Variants in RBFOX1 observed in about 807,000 individuals in gnomAD.
RBFOX1 encodes RNA binding protein fox-1 homolog 1.
A neutral mutation model predicts 57.7 loss-of-function variants in RBFOX1; 8 were observed. The observed-to-expected ratio is 0.14, with a 90% CI of 0.08 to 0.25. RBFOX1 has a LOEUF of 0.25. Among genes scored for constraint, RBFOX1 ranks in the 10% least tolerant of loss-of-function variants. RBFOX1 has a pLI of 1.00. For synonymous variants in RBFOX1, 326 were observed against 222.4 expected, an observed-to-expected ratio of 1.47 and a Z score of -4.15; for missense variants, 611 against 548.5, an observed-to-expected ratio of 1.11 and a Z score of -1.14.
At chr16:6,901,475 C>T (rs923375006) in intron 3 of RBFOX1, among the ~76,000 whole-genome samples, 1 of 152,168 alleles carries the variant, frequency 6.6e-6, no homozygotes, top group African/African-American at 2.4e-5. Context: ...CCCTACGACT[C>T]TTCCTTAGCC....
chr16:7,025,657 C>G (rs1049861267), intron 3 of RBFOX1, among the ~76,000 whole-genome samples: 11 of 152,136 alleles, frequency 7.2e-5, no homozygotes, highest in Admixed American at 2.6e-4. Flanking sequence ...GGGGGCACCT[C>G]TTCATCAGGG....
chr16:5,604,446 A>G (rs2047488831), downstream of RBFOX1, among the ~76,000 whole-genome samples: 1 of 152,184 alleles, frequency 6.6e-6, no homozygotes. Context: ...GCAGGCCCTC[A>G]GACCCTAGAG....
At chr16:7,246,345 G>A (rs886896482) in intron 4 of RBFOX1, among the ~76,000 whole-genome samples, 1 of 152,090 alleles carries the variant, frequency 6.6e-6, no homozygotes, top group Non-Finnish European at 1.5e-5. Flanking sequence ...TTGCTCCCTG[G>A]CATCCCCCAC....
intron 1 of RBFOX1, among the ~76,000 whole-genome samples, chr16:5,444,094 G>GACATTAATA (rs369069952): frequency 6.6e-6 from 1 of 151,726 alleles, no homozygotes; most frequent in Admixed American, 6.6e-5. Context: ...TATTGGCAAA[G>GACATTAATA]GTGACACTGA....
chr16:7,165,214 C>T (rs1053294689), intron 4 of RBFOX1, among the ~76,000 whole-genome samples: 1 of 151,864 alleles, frequency 6.6e-6, no homozygotes, highest in Non-Finnish European at 1.5e-5. Context: ...CTATCTCTGC[C>T]ACAGGTGTGA....
chr16:5,946,980 A>G lies in RBFOX1; in HGVS notation c.351+79645A>G, dbSNP rs2059412467. On this transcript the variant is annotated intron_variant, in intron 4 of 19. Transcript: ENST00000641259. This position sits in a 1 kb window ranked among gnomAD's most constrained non-coding sequence, Gnocchi z 4.6. ...TAATCCTAGCACTTAGGGAGGCAGA[A>G]GTAGGAGGATTGCTTGAGGCCAGGA... Among the ~76,000 whole-genome samples, 1 of 152,168 alleles carries G rather than the reference A, an allele frequency of 6.6e-6. No homozygotes were observed. The highest frequency in any genetic ancestry group is 2.4e-5 in the African/African-American group (1 of 41,448).
intron 4 of RBFOX1, among the ~76,000 whole-genome samples, chr16:7,086,191 C>A (rs1055601379): frequency 6.6e-6 from 1 of 152,138 alleles, no homozygotes; most frequent in African/African-American, 2.4e-5. Flanking sequence ...AATGATTCCA[C>A]AGTTTACCTA....
At chr16:7,140,646 G>A (rs924842179) in intron 4 of RBFOX1, among the ~76,000 whole-genome samples, 16 of 152,136 alleles carry the variant, frequency 1.1e-4, no homozygotes, top group African/African-American at 3.4e-4. Context: ...ATCAATATCT[G>A]AACCAACAAT....
chr16:6,431,631 G>T (rs1226671293), intron 2 of RBFOX1, among the ~76,000 whole-genome samples: 1 of 152,134 alleles, frequency 6.6e-6, no homozygotes, highest in Non-Finnish European at 1.5e-5. Flanking sequence ...AGATGTGAAT[G>T]GCATGAGGTC....
At chr16:6,768,451 T>A (rs574594489) in intron 3 of RBFOX1, among the ~76,000 whole-genome samples, 1 of 151,622 alleles carries the variant, frequency 6.6e-6, no homozygotes, top group Non-Finnish European at 1.5e-5. Context: ...AGAGGGAAAA[T>A]TCCCCCCCAG....
At chr16:7,238,795 C>T (rs543198338) in intron 4 of RBFOX1, among the ~76,000 whole-genome samples, 1 of 152,288 alleles carries the variant, frequency 6.6e-6, no homozygotes, top group South Asian at 2.1e-4. Flanking sequence ...CCTCCCCTGA[C>T]CTCCACCTGC....
intron 2 of RBFOX1, among the ~76,000 whole-genome samples, chr16:6,450,792 T>TAC (rs1261988917): frequency 3.8e-4 from 6 of 15,756 alleles, no homozygotes; most frequent in African/African-American, 2.0e-3. Context: ...TATATATACA[T>TAC]ATATATATGT....
chr16:6,501,554 G>C (rs537820451), intron 2 of RBFOX1, among the ~76,000 whole-genome samples: 66 of 152,046 alleles, frequency 4.3e-4, no homozygotes, highest in African/African-American at 1.5e-3. Context: ...GGACATTTGG[G>C]TTGGTTCCAA....
intron 2 of RBFOX1, among the ~76,000 whole-genome samples, chr16:6,397,015 A>T (rs1482352022): frequency 6.6e-6 from 1 of 152,226 alleles, no homozygotes; most frequent in Non-Finnish European, 1.5e-5. Context: ...TTCAATTTGA[A>T]AAAAAGCAAA....
chr16:6,633,973 C>T (rs2154063443), intron 2 of RBFOX1, among the ~76,000 whole-genome samples: 1 of 152,274 alleles, frequency 6.6e-6, no homozygotes, highest in East Asian at 1.9e-4. Context: ...GATGACCGCA[C>T]TACTGCTGTC....
At chr16:5,601,607 T>G (rs1434129097), downstream of RBFOX1, 4 of 152,172 alleles carry the variant, frequency 2.6e-5, no homozygotes, top group East Asian at 7.7e-4. Flanking sequence ...CTCTTCATAA[T>G]CTTGAAATAA....
intron 1 of RBFOX1, among the ~76,000 whole-genome samples, chr16:5,347,851 C>T (rs1056507197): frequency 6.6e-6 from 1 of 150,462 alleles, no homozygotes; most frequent in Non-Finnish European, 1.5e-5. Flanking sequence ...TCAGCCCATC[C>T]ACCCACTCTT....
chr16:6,727,767 G>T (rs1017987561), intron 3 of RBFOX1, among the ~76,000 whole-genome samples: 1 of 152,080 alleles, frequency 6.6e-6, no homozygotes, highest in African/African-American at 2.4e-5. Context: ...AGTAGCATCC[G>T]TCCAGTATTT....
intron 3 of RBFOX1, among the ~76,000 whole-genome samples, chr16:5,661,428 A>G (rs1236007891): frequency 2.0e-5 from 3 of 152,206 alleles, no homozygotes; most frequent in African/African-American, 7.2e-5. Context: ...CTTAGCCTGC[A>G]TCTCCTCAGG....
Sources: allele counts gnomAD v4.1 joint callset (sites outside exome capture counted in the v4.1 genomes callset), GRCh38; gene constraint gnomAD v4.1.1; non-coding constraint Gnocchi (gnomAD v3.1); transcripts MANE v1.5; gene names NCBI Gene and HGNC (gene_info 2026-07-23, HGNC 2026-07-21).